TRIB3: variants seen among roughly 807,000 people sequenced by gnomAD.
TRIB3 encodes the protein tribbles homolog 3.
In TRIB3, 20 loss-of-function variants were observed where a neutral mutation model predicts 16.6. The ratio of observed to expected loss-of-function variants is 1.20; its 90% CI spans 0.85 to 1.75. TRIB3 has a LOEUF of 1.75. Ranked by LOEUF, TRIB3 falls within the 40% of genes most tolerant of loss-of-function variation. The pLI is 0.00. For synonymous variants in TRIB3, 208 were observed against 217.0 expected (o/e 0.96, Z 0.36); for missense variants, 484 against 488.9 (o/e 0.99, Z 0.10).
Position 397,166 on chromosome 20 carries a change from C to T in TRIB3, c.*476C>T, listed in dbSNP as rs11537607. On this transcript the variant is annotated 3_prime_UTR_variant, in exon 4 of 4. Coordinates refer to ENST00000217233, the MANE Select transcript of TRIB3 (RefSeq NM_021158.5). The stretch of plus-strand genomic sequence containing the variant: ...GGAGGTATCCCTGTGCCAAAGGCTC[C>T]AGGCCTCTCCCCTGCAACTCAGGAC... 0.14 allele frequency: 21,712 copies of T among 156,378 alleles called. 1,965 individuals carry two copies. Among genetic ancestry groups the T allele is most frequent in the Non-Finnish European group, 0.2 (14,082 of 70,298 alleles). 9.7% of individuals were successfully genotyped at this position (156,378 alleles called of 1,614,324 possible). A position where few individuals can be genotyped will look rare whatever the true frequency, so the allele number is the denominator to read the frequency against.
In TRIB3 at chr20:388,154, G is replaced by A; in HGVS notation, c.144G>A (p.Leu48=). 6.2e-7 allele frequency: 1 copy of A among 1,614,076 alleles called. No individual in the cohort carries two copies. The change falls in exon 2 of 4, where the codon TTG becomes TTA. Residue 48 remains leucine, a synonymous_variant. Coordinates refer to ENST00000217233, the MANE Select transcript of TRIB3 (RefSeq NM_021158.5). The part of the protein sequence containing the change: ...GPQPRLPPCL[L]PLSPPTAPDR... ...AGCCCAGACTGCCCCCCTGCCTGTT[G>A]CCCCTGAGCCCACCTACTGCTCCAG... is the stretch of plus-strand genomic sequence containing the variant.
chr20:382,118 TGTGTGTGTGC>T (rs1205158154), intron 1 of TRIB3, among the ~76,000 whole-genome samples: 14 of 138,192 alleles, frequency 1.0e-4, no homozygotes, highest in African/African-American at 1.3e-4. Flanking sequence ...TGTGTGTGTG[TGTGTGTGTGC>T]GTGCGCGCGC....
chr20:390,959 G>A (rs536960023), intron 2 of TRIB3, among the ~76,000 whole-genome samples: 62 of 139,954 alleles, frequency 4.4e-4, no homozygotes, highest in Admixed American at 7.6e-4. Flanking sequence ...CTGAGATTGC[G>A]CCAGTGTGCT....
chr20:382,641 C>A, intron 1 of TRIB3: 2 of 1,366,622 alleles, frequency 1.5e-6, no homozygotes, highest in Non-Finnish European at 2.0e-6. Flanking sequence ...ATAAGCTCTA[C>A]ATGCTTCATT....
chr20:386,473 A>T (rs1422310812), intron 1 of TRIB3, among the ~76,000 whole-genome samples: 1 of 152,120 alleles, frequency 6.6e-6, no homozygotes, highest in Admixed American at 6.5e-5. Flanking sequence ...TAGTGGCACA[A>T]TCTCGGCTCA....
At chr20:394,053 C>G (rs545816933) in intron 3 of TRIB3, among the ~76,000 whole-genome samples, 112 of 133,556 alleles carry the variant, frequency 8.4e-4, no homozygotes, top group Non-Finnish European at 7.0e-4. Context: ...TTTTTTGAGA[C>G]AGAGTCTCGC....
Position 397,548 on chromosome 20 carries a change from A to G in TRIB3, c.*858A>G, listed in dbSNP as rs961244072. 1 of 152,192 alleles carries G rather than the reference A, an allele frequency of 6.6e-6. No individual in the cohort carries two copies. Among genetic ancestry groups the G allele is most frequent in the African/African-American group, 2.4e-5 (1 of 41,458 alleles). 9.4% of individuals were successfully genotyped at this position (152,192 alleles called of 1,614,324 possible). On this transcript the variant is annotated 3_prime_UTR_variant, in exon 4 of 4. Coordinates refer to ENST00000217233, the MANE Select transcript of TRIB3 (RefSeq NM_021158.5). ...GTTTACCTGTGCCTAATAAAGGAGAATTATGAAATAATTTTATTTTTCTCT... is the reference window on the plus strand; with the variant it reads ...GTTTACCTGTGCCTAATAAAGGAGAGTTATGAAATAATTTTATTTTTCTCT...
chr20:387,916 C>T, intron 1 of TRIB3, 95 bp from the exon 2 acceptor site: 3 of 1,411,192 alleles, frequency 2.1e-6, no homozygotes, highest in Non-Finnish European at 2.9e-6. Context: ...CAGATCACCC[C>T]CTATAAATGT....
intron 1 of TRIB3, among the ~76,000 whole-genome samples, chr20:384,151 C>G (rs2014733333): frequency 6.6e-6 from 1 of 152,146 alleles, no homozygotes; most frequent in Non-Finnish European, 1.5e-5. Flanking sequence ...CCTGCCTGGA[C>G]TCGTGCTTGT....
chr20:387,914 C>A, intron 1 of TRIB3, 97 bp from the exon 2 acceptor site: 18 of 1,392,556 alleles, frequency 1.3e-5, no homozygotes, highest in Non-Finnish European at 1.8e-5. Flanking sequence ...GCCAGATCAC[C>A]CCCTATAAAT....
chr20:382,379 G>T, intron 1 of TRIB3: 1 of 687,488 alleles, frequency 1.5e-6, no homozygotes, highest in Non-Finnish European at 2.4e-6. Context: ...AGGCAGCCTG[G>T]ACTACTGATG....
At chr20:382,747 C>T in intron 1 of TRIB3, 1 of 707,224 alleles carries the variant, frequency 1.4e-6, no homozygotes. Context: ...GGAACTTGAC[C>T]AGGGGTACCC....
At chr20:384,995 G>A (rs2014759574) in intron 1 of TRIB3, among the ~76,000 whole-genome samples, 1 of 152,174 alleles carries the variant, frequency 6.6e-6, no homozygotes, top group Non-Finnish European at 1.5e-5. Context: ...GAAAATCTCA[G>A]GTTCTAATCC....
intron 3 of TRIB3, among the ~76,000 whole-genome samples, chr20:392,852 C>T (rs573546201): frequency 6.6e-6 from 1 of 152,052 alleles, no homozygotes; most frequent in African/African-American, 2.4e-5. Flanking sequence ...GGTACTGCAC[C>T]CAGCCTAGAC....
chr20:387,550 T>TG (rs368749190), intron 1 of TRIB3, among the ~76,000 whole-genome samples: 2 of 137,382 alleles, frequency 1.5e-5, no homozygotes, highest in Admixed American at 7.7e-5. Context: ...CAACATCTCT[T>TG]GGGGAAAAAA....
chr20:387,330 G>A (rs1036031057), intron 1 of TRIB3, among the ~76,000 whole-genome samples: 1 of 152,096 alleles, frequency 6.6e-6, no homozygotes, highest in Non-Finnish European at 1.5e-5. Flanking sequence ...AACTGTAATA[G>A]TAAGAGTCTC....
chr20:388,182 C>A lies in TRIB3; in HGVS notation c.172C>A (p.Arg58Ser). The change falls in exon 2 of 4, where the codon CGT becomes AGT. Residue 58 changes from arginine (R) to serine (S), a missense_variant. Transcript: ENST00000217233. ...CCTGAGCCCACCTACTGCTCCAGAT[C>A]GTGCAACTGCTGTGGCCACTGCCTC... ...LPLSPPTAPD[R>S]ATAVATASRL... 1.2e-6 allele frequency: 2 copies of A among 1,614,044 alleles called. No individual in the cohort carries two copies. The highest frequency in any genetic ancestry group is 2.2e-5 in the East Asian group (1 of 44,880).
intron 2 of TRIB3, among the ~76,000 whole-genome samples, chr20:388,965 C>G (rs1251256342): frequency 6.6e-6 from 1 of 152,000 alleles, no homozygotes; most frequent in East Asian, 1.9e-4. Context: ...CTGGGGTAAA[C>G]TAAGGGGTAG....
At chr20:387,648 A>C (rs2122678463) in intron 1 of TRIB3, among the ~76,000 whole-genome samples, 1 of 151,846 alleles carries the variant, frequency 6.6e-6, no homozygotes, top group East Asian at 1.9e-4. Flanking sequence ...ATCAGTACGC[A>C]TCAGTATATA....
Sources: gnomAD v4.1 joint callset for allele counts (sites outside exome capture counted in the v4.1 genomes callset) on GRCh38, gnomAD v4.1.1 for gene constraint, MANE v1.5 for transcripts, NCBI Gene and HGNC (gene_info 2026-07-23, HGNC 2026-07-21) for gene names.